Variants in C2 observed in about 807,000 individuals in gnomAD.
The protein encoded by C2 is complement C2, also known as C3/C5 convertase.
A neutral mutation model predicts 85.2 loss-of-function variants in C2; 64 were observed. The observed-to-expected ratio is 0.75, with a 90% CI of 0.61 to 0.92. The LOEUF is 0.92. Among genes scored for constraint, C2 ranks in the 40% least tolerant of loss-of-function variants. The pLI, the probability that C2 is intolerant of heterozygous loss-of-function variation, is 0.00. For synonymous variants in C2, 311 were observed against 370.8 expected (o/e 0.84, Z 1.85); for missense variants, 820 against 971.6 (o/e 0.84, Z 2.07).
rs749217491 is a variant in C2, at chr6:31,933,749, C to T, written c.582C>T (p.Asn194=). The change falls in exon 4 of 18, where the codon AAC becomes AAT. Residue 194 remains asparagine, a synonymous_variant. Coordinates refer to ENST00000299367, the MANE Select transcript of C2 (RefSeq NM_000063.6). ...CTTCGGAGCGGGAGTGCCAGGGCAA[C>T]GGGGTCTGGAGTGGAACGGAGCCCA... The part of the protein sequence containing the change: ...TGSSERECQG[N]GVWSGTEPIC... The T allele has an allele frequency of 1.9e-5, 31 of 1,613,698 alleles. No individual in the cohort carries two copies. Among genetic ancestry groups the T allele is most frequent in the Non-Finnish European group, 1.9e-5 (23 of 1,180,032 alleles).
At chr6:31,900,697 C>T (rs538239323), upstream of C2, 86 of 1,602,934 alleles carry the variant, frequency 5.4e-5, 1 homozygote, top group South Asian at 8.8e-4. This position sits in a 1 kb window ranked among gnomAD's most constrained non-coding sequence, Gnocchi z 9.7. Context: ...CAGACACGTC[C>T]TCATCCTCAT....
intron 1 of C2, among the ~76,000 whole-genome samples, chr6:31,907,132 C>A (rs1405947713): frequency 6.1e-5 from 9 of 147,484 alleles, no homozygotes; most frequent in African/African-American, 2.3e-4. Flanking sequence ...AAGAGTGAAA[C>A]TCTGTCTTAA....
chr6:31,937,336 G>C lies in C2; in HGVS notation c.1006G>C (p.Gly336Arg). 2 of 1,612,882 alleles carry C rather than the reference G, an allele frequency of 1.2e-6. No homozygotes were observed. The highest frequency in any genetic ancestry group is 1.7e-6 in the Non-Finnish European group (2 of 1,179,970). ...TATTCCAGATCATGAAAATGGAACT[G>C]GGACTAACACCTATGCGGCCTTAAA... Reference protein sequence around the residue: ...ANYKDHENGTGTNTYAALNSV... With the variant: ...ANYKDHENGTRTNTYAALNSV... Residue 336 changes from glycine (G) to arginine (R), a missense_variant, in exon 8 of 18, where the codon GGG becomes CGG. Gly to Arg is a moderately radical substitution (Grantham distance 125). Transcript: ENST00000299367.
At chr6:31,899,198 C>T (rs1454956699), upstream of C2, among the ~76,000 whole-genome samples, 1 of 150,462 alleles carries the variant, frequency 6.6e-6, no homozygotes, top group African/African-American at 2.5e-5. Flanking sequence ...CTCTACTCCT[C>T]TCCCTCCCTC....
rs1012747576 is a variant in C2 at position 31,935,231 on chromosome 6, G to A, written c.850-692G>A. ...TAAGTAACTCATTGCACTGCGAGGC[G>A]GCAACACACACCAGTTGGAGCAGTG... On this transcript the variant is annotated intron_variant, in intron 6 of 17. Coordinates refer to ENST00000299367, the MANE Select transcript of C2 (RefSeq NM_000063.6). This position sits in a 1 kb window ranked among gnomAD's most constrained non-coding sequence, Gnocchi z 4.3. 9 of 176,736 alleles carry A rather than the reference G, an allele frequency of 5.1e-5. No homozygotes were observed. Among genetic ancestry groups the A allele is most frequent in the Admixed American group, 1.3e-4 (2 of 15,276 alleles). 10.9% of individuals were successfully genotyped at this position (176,736 alleles called of 1,614,324 possible). A position where few individuals can be genotyped will look rare whatever the true frequency, so the allele number is the denominator to read the frequency against.
At chr6:31,913,258 T>C (rs914646746) in intron 1 of C2, among the ~76,000 whole-genome samples, 7 of 151,904 alleles carry the variant, frequency 4.6e-5, no homozygotes, top group Admixed American at 4.6e-4. Flanking sequence ...TCTGGATACT[T>C]CAGTGAGGGC....
In C2 at chr6:31,945,060, G is replaced by C. The variant is rs759520197; in HGVS notation, c.2079+31G>C. On this transcript the variant is annotated intron_variant, in intron 17 of 17. Coordinates refer to ENST00000299367, the MANE Select transcript of C2 (RefSeq NM_000063.6). This position sits in a 1 kb window ranked among gnomAD's most constrained non-coding sequence, Gnocchi z 5.3. ...AAGGTAGAAGCTTGCAGGACCCAGG[G>C]GTTACAGGATCTCAGCCTTGTTGGG... The C allele has an allele frequency of 3.7e-6, 6 of 1,612,708 alleles. No homozygotes were observed. The African/African-American group carries it at 5.3e-5, about 14-fold the overall frequency.
chr6:31,931,805 G>A (rs1246984356), intron 3 of C2, among the ~76,000 whole-genome samples: 15 of 152,072 alleles, frequency 9.9e-5, no homozygotes, highest in African/African-American at 2.7e-4. Flanking sequence ...GGTGGTGGCC[G>A]GGCAGAGGGG....
intron 1 of C2, among the ~76,000 whole-genome samples, chr6:31,911,160 G>C (rs894975855): frequency 2.6e-5 from 4 of 151,704 alleles, no homozygotes; most frequent in Admixed American, 1.3e-4. Context: ...TTAGCCAGAC[G>C]TGGTGGCAGG....
intron 1 of C2, among the ~76,000 whole-genome samples, chr6:31,914,915 C>A (rs1265185944): frequency 6.6e-6 from 1 of 151,896 alleles, no homozygotes; most frequent in Non-Finnish European, 1.5e-5. Flanking sequence ...TCCATCACAA[C>A]AACAACAACA....
chr6:31,928,652 C>T (rs1769462786), intron 2 of C2, 80 bp from the exon 3 acceptor site: 11 of 1,394,258 alleles, frequency 7.9e-6, no homozygotes, highest in Middle Eastern at 3.6e-4. Context: ...TGCATTCCAG[C>T]ATAAAATCAC....
intron 1 of C2, chr6:31,901,314 G>C: frequency 6.2e-7 from 1 of 1,601,452 alleles, no homozygotes; most frequent in Non-Finnish European, 8.5e-7. Context: ...ATTGTGGCGG[G>C]GGTGGGCAAC....
In C2 at chr6:31,901,579, C is replaced by T. The variant is rs138106337; in HGVS notation, c.73+440C>T. ...GCTAGGATGGGGCGAGCCCGCGCGCCCACGGTGGAAGGACGGAGAAAAAGG... is the reference window on the plus strand; with the variant it reads ...GCTAGGATGGGGCGAGCCCGCGCGCTCACGGTGGAAGGACGGAGAAAAAGG... On this transcript the variant is annotated intron_variant, in intron 1 of 3. Coordinates refer to the C2 transcript ENST00000452202. Among the ~76,000 whole-genome samples, 243 of 151,894 alleles carry T rather than the reference C, an allele frequency of 1.6e-3. 7 individuals carry two copies. In the East Asian group the frequency reaches 0.045, roughly 28 times the overall value.
chr6:31,898,154 G>A (rs1562529164), upstream of C2, among the ~76,000 whole-genome samples: 1 of 152,150 alleles, frequency 6.6e-6, no homozygotes, highest in African/African-American at 2.4e-5. Context: ...CTTTATTCTT[G>A]GCTGGTTCTA....
chr6:31,907,140 TAA>T (rs3037250), intron 1 of C2, among the ~76,000 whole-genome samples: 3 of 139,618 alleles, frequency 2.1e-5, no homozygotes, highest in Non-Finnish European at 4.7e-5. Context: ...AACTCTGTCT[TAA>T]AAAAAAAAAA....
At chr6:31,899,929 G>T, upstream of C2, 1 of 1,577,528 alleles carries the variant, frequency 6.3e-7, no homozygotes, top group African/African-American at 1.3e-5. Context: ...TGCGCGGCTA[G>T]CGGATGAGGA....
At chr6:31,923,912 G>A (rs1286255196), upstream of C2, among the ~76,000 whole-genome samples, 1 of 151,732 alleles carries the variant, frequency 6.6e-6, no homozygotes, top group Admixed American at 6.6e-5. Flanking sequence ...CCATTCTCCT[G>A]CCTCAGCCTC....
In C2 at chr6:31,904,662, G is replaced by A. The variant is rs975843302; in HGVS notation, c.73+3523G>A. Among the ~76,000 whole-genome samples, 7 of 152,006 alleles carry A rather than the reference G, an allele frequency of 4.6e-5. No homozygotes were observed. The highest frequency in any genetic ancestry group is 7.4e-5 in the Non-Finnish European group (5 of 68,022). On this transcript the variant is annotated intron_variant, in intron 1 of 3. Coordinates refer to the C2 transcript ENST00000452202. This position sits in a 1 kb window ranked among gnomAD's most constrained non-coding sequence, Gnocchi z 4.4. Reference sequence around the variant, plus strand: ...TTTTCTATCTCATCTCTTCTTTTCCGCATTGCCAAACTTCTCAGAAGAATA... The same window carrying A: ...TTTTCTATCTCATCTCTTCTTTTCCACATTGCCAAACTTCTCAGAAGAATA...
rs1215862283 is a variant in C2 at position 31,908,480 on chromosome 6, CA to C, written c.73+7343del. ...CAGCCTGGGCCAACATGGTGAAACC[CA>C]ATCTCTACTAAAAACACAAAAATTA... On this transcript the variant is annotated intron_variant, in intron 1 of 3. Transcript: ENST00000452202. Among the ~76,000 whole-genome samples, 83 of 151,416 alleles carry C rather than the reference CA, an allele frequency of 5.5e-4. 1 individual carries two copies. Among genetic ancestry groups the C allele is most frequent in the Admixed American group, 1.8e-3 (28 of 15,194 alleles).
Sources: gnomAD v4.1 joint callset for allele counts (sites outside exome capture counted in the v4.1 genomes callset) on GRCh38, gnomAD v4.1.1 for gene constraint, Gnocchi (gnomAD v3.1) non-coding constraint, MANE v1.5 for transcripts, NCBI Gene and HGNC (gene_info 2026-07-23, HGNC 2026-07-21) for gene names.